Variants in ARNT observed in about 807,000 individuals in gnomAD.
ARNT encodes the protein aryl hydrocarbon receptor nuclear translocator.
ARNT carries 30 observed loss-of-function variants against 105.0 expected under a neutral mutation model. The ratio of observed to expected loss-of-function variants is 0.29; its 90% CI spans 0.21 to 0.39. The LOEUF (loss-of-function observed/expected upper bound fraction) is 0.39. Among genes scored for constraint, ARNT ranks in the 10% least tolerant of loss-of-function variants. ARNT has a pLI of 1.00. For missense variants in ARNT, 748 were observed against 978.7 expected (o/e 0.76, Z 3.15); for synonymous variants, 304 against 344.0 (o/e 0.88, Z 1.29).
intron 1 of ARNT, among the ~76,000 whole-genome samples, chr1:150,860,725 G>A (rs1011786384): frequency 6.6e-6 from 1 of 151,612 alleles, no homozygotes; most frequent in Non-Finnish European, 1.5e-5. Context: ...GAATGGTGGT[G>A]GGCACCTGTA....
intron 7 of ARNT, 70 bp from the exon 8 acceptor site, chr1:150,834,710 A>G: frequency 7.4e-7 from 1 of 1,343,824 alleles, no homozygotes; most frequent in Non-Finnish European, 1.1e-6. Flanking sequence ...GAGATACTGA[A>G]GGCAAAGATA....
Position 150,852,709 on chromosome 1 carries a change from C to G in ARNT, c.182+53G>C, listed in dbSNP as rs1340174807. ...ATTTACAAGTCAGAAGTATAAAGAT[C>G]ATAAACTAATTTTTAATATCAGACA... On this transcript the variant is annotated intron_variant, in intron 3 of 21. Coordinates refer to ENST00000358595, the MANE Select transcript of ARNT (RefSeq NM_001668.4). 4 of 1,528,826 alleles carry G rather than the reference C, an allele frequency of 2.6e-6. No homozygotes were observed. In the Admixed American group the frequency reaches 5.2e-5, roughly 20 times the overall value. The allele number at this position is 1,528,826 out of a possible 1,614,324, so 94.7% of individuals were successfully genotyped here. A position where few individuals can be genotyped will look rare whatever the true frequency, so the allele number is the denominator to read the frequency against.
intron 3 of ARNT, among the ~76,000 whole-genome samples, chr1:150,849,585 A>C (rs1291421528): frequency 6.6e-6 from 1 of 152,200 alleles, no homozygotes; most frequent in African/African-American, 2.4e-5. Flanking sequence ...CAGGAGTTTA[A>C]GACCAGCCTG....
chr1:150,811,013 G>A lies in ARNT; in HGVS notation c.*1008C>T, dbSNP rs1381081561. The A allele has an allele frequency of 8.7e-6, 2 of 230,952 alleles. No homozygotes were observed. The highest frequency in any genetic ancestry group is 1.8e-4 in the South Asian group (1 of 5,506). The allele number at this position is 230,952 out of a possible 1,614,324, so 14.3% of individuals were successfully genotyped here. On this transcript the variant is annotated 3_prime_UTR_variant, in exon 22 of 22. Coordinates refer to ENST00000358595, the MANE Select transcript of ARNT (RefSeq NM_001668.4). ...ATCCAAGAAGTTGAGTTTCCATGCAGAAATAACCTCTACAGAACACACATC... is the reference window on the plus strand; with the variant it reads ...ATCCAAGAAGTTGAGTTTCCATGCAAAAATAACCTCTACAGAACACACATC...
chr1:150,852,983 A>G, intron 2 of ARNT, 177 bp from the exon 3 acceptor site: 1 of 792,398 alleles, frequency 1.3e-6, no homozygotes, highest in Non-Finnish European at 2.0e-6. Flanking sequence ...AACTAGGCAA[A>G]GAAGTACAAA....
At chr1:150,818,654 T>C (rs980428207) in intron 14 of ARNT, among the ~76,000 whole-genome samples, 3 of 151,920 alleles carry the variant, frequency 2.0e-5, no homozygotes, top group Admixed American at 6.6e-5. Flanking sequence ...AGGAGACAGA[T>C]GGGAGGATTG....
intron 18 of ARNT, 111 bp from the exon 19 acceptor site, chr1:150,816,517 T>C (rs777592992): frequency 8.4e-6 from 11 of 1,303,714 alleles, no homozygotes; most frequent in Non-Finnish European, 1.1e-5. Flanking sequence ...TCCTGCAGGT[T>C]AAGGAAAATT....
chr1:150,868,625 G>A (rs1263667277), intron 1 of ARNT, among the ~76,000 whole-genome samples: 1 of 152,184 alleles, frequency 6.6e-6, no homozygotes, highest in South Asian at 2.1e-4. Context: ...GGGCAGGCCG[G>A]GCGCGGTGGC....
intron 1 of ARNT, among the ~76,000 whole-genome samples, chr1:150,869,688 T>C (rs186174451): frequency 1.3e-5 from 2 of 151,570 alleles, no homozygotes; most frequent in African/African-American, 2.4e-5. Flanking sequence ...GTTGGGACTA[T>C]AGGCATCCAC....
chr1:150,814,295 A>G, intron 19 of ARNT, 56 bp from the exon 20 acceptor site: 2 of 1,547,776 alleles, frequency 1.3e-6, no homozygotes, highest in Admixed American at 3.4e-5. Context: ...ATCATTGCAC[A>G]TACCATGCCT....
At chr1:150,873,527 G>A (rs185037247) in intron 1 of ARNT, among the ~76,000 whole-genome samples, 1 of 152,210 alleles carries the variant, frequency 6.6e-6, no homozygotes, top group African/African-American at 2.4e-5. Context: ...TTCTTCTAAT[G>A]CAGCACCACA....
At chr1:150,853,774 G>T (rs1308624881) in intron 2 of ARNT, among the ~76,000 whole-genome samples, 1 of 152,162 alleles carries the variant, frequency 6.6e-6, no homozygotes, top group Non-Finnish European at 1.5e-5. Context: ...AAGAAGAAGT[G>T]AATTTCTTTA....
At chr1:150,856,926 C>T (rs1664718966) in intron 2 of ARNT, among the ~76,000 whole-genome samples, 1 of 152,158 alleles carries the variant, frequency 6.6e-6, no homozygotes, top group African/African-American at 2.4e-5. Flanking sequence ...CCTCTGCACT[C>T]CAGCCAGGGT....
At chr1:150,816,956 C>T in intron 17 of ARNT, 66 bp from the exon 18 acceptor site, 6 of 1,599,108 alleles carry the variant, frequency 3.8e-6, no homozygotes, top group Admixed American at 1.8e-5. Flanking sequence ...TCAGCAAGTT[C>T]CTATTTACTC....
rs767774379 is a variant in ARNT at position 150,836,281 on chromosome 1, T to C, written c.699A>G (p.Thr233=). 1.9e-6 allele frequency: 3 copies of C among 1,613,958 alleles called. No individual in the cohort carries two copies. Among genetic ancestry groups the C allele is most frequent in the African/African-American group, 2.7e-5 (2 of 74,938 alleles). The change falls in exon 7 of 22, where the codon ACA becomes ACG. Residue 233 remains threonine, a splice_region_variant and synonymous_variant. Transcript: ENST00000358595. ...ATTTCCCATACACATAACTCTCACC[T>C]GTCAGGGCATTTTCTGAAGTGGAAA... ...EQLSTSENAL[T]GRILDLKTGT...
chr1:150,821,828 C>CTTTTTT (rs367766946), intron 14 of ARNT, among the ~76,000 whole-genome samples: 3 of 114,906 alleles, frequency 2.6e-5, no homozygotes, highest in African/African-American at 3.6e-5. Flanking sequence ...TTTGTATTTT[C>CTTTTTT]TTTTTTTTTT....
intron 2 of ARNT, among the ~76,000 whole-genome samples, chr1:150,853,696 A>G (rs1664042831): frequency 6.6e-6 from 1 of 152,264 alleles, no homozygotes; most frequent in African/African-American, 2.4e-5. Context: ...AAATACAAAT[A>G]TAAAACAAGT....
chr1:150,829,529 AC>A, intron 11 of ARNT: 1 of 600,818 alleles, frequency 1.7e-6, no homozygotes, highest in Admixed American at 2.3e-5. Flanking sequence ...GGTACAAGTA[AC>A]CAAGAAACTT....
At chr1:150,812,585 A>T (rs961807958) in intron 21 of ARNT, 2 of 152,928 alleles carry the variant, frequency 1.3e-5, no homozygotes, top group African/African-American at 4.8e-5. Context: ...TTTACTTTTT[A>T]TAATTTTTTA....
Sources: allele counts gnomAD v4.1 joint callset (sites outside exome capture counted in the v4.1 genomes callset), GRCh38; gene constraint gnomAD v4.1.1; transcripts MANE v1.5; gene names NCBI Gene and HGNC (gene_info 2026-07-23, HGNC 2026-07-21).